The following RUNDC3B variants were observed in gnomAD, a reference collection of about 807,000 sequenced individuals.
The protein encoded by RUNDC3B is RUN domain containing 3B.
In RUNDC3B, 33 loss-of-function variants were observed where a neutral mutation model predicts 58.4. The observed-to-expected ratio is 0.56, with a 90% CI of 0.43 to 0.75. The LOEUF (loss-of-function observed/expected upper bound fraction) is 0.75. Among genes scored for constraint, RUNDC3B ranks in the 30% least tolerant of loss-of-function variants. RUNDC3B has a pLI of 0.00. For synonymous variants in RUNDC3B, 193 were observed against 195.2 expected (o/e 0.99, Z 0.10); for missense variants, 501 against 535.7 (o/e 0.94, Z 0.64).
rs60096900 is a variant in RUNDC3B, at chr7:87,823,573, C to T, written c.1226-6312C>T. On this transcript the variant is annotated intron_variant, in intron 10 of 10. Transcript: ENST00000394654. Reference sequence around the variant, plus strand: ...AGTCTTTTATCCCACATCCCCTTCCCACCCCTTTCCTCTCAGTCCCCAAAC... The same window carrying T: ...AGTCTTTTATCCCACATCCCCTTCCTACCCCTTTCCTCTCAGTCCCCAAAC... Among the ~76,000 whole-genome samples the T allele has an allele frequency of 6.5e-4, 99 of 152,032 alleles. 1 individual carries two copies. The East Asian group carries it at 0.017, about 26-fold the overall frequency.
At chr7:87,659,653 A>G (rs1006193372) in intron 2 of RUNDC3B, among the ~76,000 whole-genome samples, 9 of 151,918 alleles carry the variant, frequency 5.9e-5, no homozygotes, top group African/African-American at 2.2e-4. Flanking sequence ...GTGTAGATAC[A>G]GTTTGCTAAT....
At chr7:87,679,898 C>A (rs907346648) in intron 2 of RUNDC3B, among the ~76,000 whole-genome samples, 2 of 150,564 alleles carry the variant, frequency 1.3e-5, no homozygotes, top group African/African-American at 4.9e-5. Context: ...TGAAAAATCA[C>A]CAAATGTTTG....
chr7:87,744,177 A>G (rs1832514561), intron 6 of RUNDC3B, among the ~76,000 whole-genome samples: 1 of 152,078 alleles, frequency 6.6e-6, no homozygotes, highest in African/African-American at 2.4e-5. Flanking sequence ...CTATGTGCCT[A>G]TTTTAATACC....
At chr7:87,759,648 A>G (rs548400099) in intron 6 of RUNDC3B, among the ~76,000 whole-genome samples, 1 of 152,204 alleles carries the variant, frequency 6.6e-6, no homozygotes, top group East Asian at 1.9e-4. Context: ...AAAATTAAAA[A>G]TTAGCCAGAT....
chr7:87,729,176 A>G (rs116965942), intron 4 of RUNDC3B, among the ~76,000 whole-genome samples: 3,096 of 152,244 alleles, frequency 0.02, 45 homozygotes, highest in Middle Eastern at 0.034. Context: ...GTGGGGCAAG[A>G]TGGATGAAAA....
At chr7:87,716,735 C>T (rs1366471781) in intron 4 of RUNDC3B, among the ~76,000 whole-genome samples, 1 of 152,128 alleles carries the variant, frequency 6.6e-6, no homozygotes, top group Admixed American at 6.5e-5. Flanking sequence ...CAGCTGTTTA[C>T]TGTACAACTG....
intron 10 of RUNDC3B, among the ~76,000 whole-genome samples, chr7:87,825,568 C>T (rs1300625113): frequency 6.6e-6 from 1 of 152,206 alleles, no homozygotes; most frequent in Non-Finnish European, 1.5e-5. Flanking sequence ...TGGGGCACCA[C>T]CTAGTGGAGC....
Position 87,830,131 on chromosome 7 carries a change from T to C in RUNDC3B, c.*101T>C. On this transcript the variant is annotated 3_prime_UTR_variant, in exon 11 of 11. Transcript: ENST00000394654. ...TGAAATTTTATATTGTTCTGGTACA[T>C]GTCTGAAATTCTATTGCTTGGAGAG... 2 of 583,434 alleles carry C rather than the reference T, an allele frequency of 3.4e-6. No individual in the cohort carries two copies. Among genetic ancestry groups the C allele is most frequent in the Non-Finnish European group, 5.5e-6 (2 of 366,770 alleles). 36.1% of individuals were successfully genotyped at this position (583,434 alleles called of 1,614,324 possible). A position where few individuals can be genotyped will look rare whatever the true frequency, so the allele number is the denominator to read the frequency against.
intron 2 of RUNDC3B, among the ~76,000 whole-genome samples, chr7:87,684,261 C>T (rs1023299261): frequency 6.6e-6 from 1 of 152,094 alleles, no homozygotes. Flanking sequence ...CAGTTCTTTT[C>T]ATATTGTTTT....
intron 3 of RUNDC3B, among the ~76,000 whole-genome samples, chr7:87,703,327 A>T (rs1268041069): frequency 1.3e-5 from 2 of 152,104 alleles, no homozygotes; most frequent in Non-Finnish European, 2.9e-5. Flanking sequence ...TTTTGTAAGC[A>T]CGAACTGAGT....
intron 2 of RUNDC3B, among the ~76,000 whole-genome samples, chr7:87,691,665 T>G (rs1336591221): frequency 6.6e-6 from 1 of 152,172 alleles, no homozygotes; most frequent in Non-Finnish European, 1.5e-5. Context: ...TCCTAAGGAT[T>G]TACGTTTTAT....
intron 8 of RUNDC3B, among the ~76,000 whole-genome samples, chr7:87,805,994 T>G (rs775948758): frequency 6.6e-6 from 1 of 152,184 alleles, no homozygotes; most frequent in Non-Finnish European, 1.5e-5. Flanking sequence ...TTTTCATTTT[T>G]GAAAAAATGT....
intron 4 of RUNDC3B, among the ~76,000 whole-genome samples, chr7:87,713,541 A>G (rs1350100250): frequency 6.6e-6 from 1 of 152,192 alleles, no homozygotes; most frequent in East Asian, 1.9e-4. Context: ...AAAACAAACA[A>G]AAACCTCGAA....
chr7:87,740,242 G>A (rs917792526), intron 5 of RUNDC3B, among the ~76,000 whole-genome samples: 1 of 152,110 alleles, frequency 6.6e-6, no homozygotes, highest in Middle Eastern at 3.4e-3. Context: ...TAGTTTCAAA[G>A]CCAGAAAGAT....
intron 4 of RUNDC3B, among the ~76,000 whole-genome samples, chr7:87,730,998 C>T (rs1390544035): frequency 2.6e-5 from 4 of 152,142 alleles, no homozygotes; most frequent in Admixed American, 2.6e-4. Flanking sequence ...GAAAGAGCCA[C>T]AGTATTTTTG....
intron 8 of RUNDC3B, among the ~76,000 whole-genome samples, chr7:87,800,824 T>G (rs1441665385): frequency 6.6e-6 from 1 of 152,048 alleles, no homozygotes; most frequent in Non-Finnish European, 1.5e-5. Flanking sequence ...TTTTTAAAAC[T>G]TTTTTGTATA....
chr7:87,783,991 C>A (rs530037951), intron 8 of RUNDC3B, among the ~76,000 whole-genome samples: 21 of 152,060 alleles, frequency 1.4e-4, no homozygotes. Context: ...GGGTGGTCAT[C>A]TTGTATAGTA....
At chr7:87,703,430 A>G (rs1829267321) in intron 3 of RUNDC3B, among the ~76,000 whole-genome samples, 1 of 152,204 alleles carries the variant, frequency 6.6e-6, no homozygotes, top group African/African-American at 2.4e-5. Context: ...ATATGAAAGT[A>G]CACTTTTGGA....
At chr7:87,814,633 A>G (rs780653631) in intron 9 of RUNDC3B, among the ~76,000 whole-genome samples, 1 of 152,190 alleles carries the variant, frequency 6.6e-6, no homozygotes, top group Non-Finnish European at 1.5e-5. Context: ...CAAGTGCCCA[A>G]CATATAGTAA....
Sources: allele counts gnomAD v4.1 joint callset (sites outside exome capture counted in the v4.1 genomes callset), GRCh38; gene constraint gnomAD v4.1.1; transcripts MANE v1.5; gene names NCBI Gene and HGNC (gene_info 2026-07-23, HGNC 2026-07-21).